CFAP77: variants seen among roughly 807,000 people sequenced by gnomAD.
CFAP77 encodes cilia- and flagella-associated protein 77.
A neutral mutation model predicts 31.1 loss-of-function variants in CFAP77; 25 were observed. The observed-to-expected ratio is 0.80, with a 90% confidence interval of 0.59 to 1.12. The LOEUF (loss-of-function observed/expected upper bound fraction) is 1.12. CFAP77 is among the 50% of genes most tolerant of loss of function. The pLI is 0.00. For missense variants in CFAP77, 377 were observed against 397.3 expected (o/e 0.95, Z 0.44); for synonymous variants, 151 against 159.9 (o/e 0.94, Z 0.42).
In CFAP77 at chr9:132,543,826, C is replaced by A. The variant is rs1309405102; in HGVS notation, c.732+779C>A. ...GCCTTGTAGCCCTGTAGCACCCAGA[C>A]AGGGATTCATCTTCAACAGCTTTTG... On this transcript the variant is annotated intron_variant, in intron 5 of 5. Coordinates refer to ENST00000393216, the MANE Select transcript of CFAP77 (RefSeq NM_001282957.2). 2.0e-5 allele frequency among the ~76,000 whole-genome samples: 3 copies of A among 152,164 alleles called. No homozygotes were observed. In the East Asian group the frequency reaches 5.8e-4, roughly 29 times the overall value.
rs188494492 is a variant in CFAP77 at position 132,451,262 on chromosome 9, T to C, written c.195+40796T>C. ...CTGAGGCAGGAGAATTGCTTGAACC[T>C]GGGAGGCGGAGGTTGCAGTGAGCTG... On this transcript the variant is annotated intron_variant, in intron 1 of 5. Transcript: ENST00000393216. 2.9e-3 allele frequency among the ~76,000 whole-genome samples: 434 copies of C among 150,360 alleles called. 2 individuals carry two copies. Among genetic ancestry groups the C allele is most frequent in the African/African-American group, 9.5e-3 (387 of 40,864 alleles).
At chr9:132,448,943 A>G (rs1850773578) in intron 1 of CFAP77, among the ~76,000 whole-genome samples, 1 of 152,032 alleles carries the variant, frequency 6.6e-6, no homozygotes, top group Non-Finnish European at 1.5e-5. Flanking sequence ...GAGACCAAGG[A>G]CCGTGCCTCT....
Position 132,480,717 on chromosome 9 carries a change from T to G in CFAP77, c.196-17978T>G, listed in dbSNP as rs1194859018. On this transcript the variant is annotated intron_variant, in intron 1 of 5. Transcript: ENST00000393216. This position sits in a 1 kb window ranked among gnomAD's most constrained non-coding sequence, Gnocchi z 5.8. Reference sequence around the variant, plus strand: ...ACAGAGTCCGGGGGCTTCTCCAAGGTGGTGACATTTCAGCTAGGAGTTAGC... The same window carrying G: ...ACAGAGTCCGGGGGCTTCTCCAAGGGGGTGACATTTCAGCTAGGAGTTAGC... 1.3e-5 allele frequency among the ~76,000 whole-genome samples: 2 copies of G among 151,852 alleles called. No homozygotes were observed. Among genetic ancestry groups the G allele is most frequent in the African/African-American group, 4.8e-5 (2 of 41,324 alleles).
chr9:132,481,744 G>A lies in CFAP77; in HGVS notation c.196-16951G>A, dbSNP rs1035091508. On this transcript the variant is annotated intron_variant, in intron 1 of 5. Coordinates refer to ENST00000393216, the MANE Select transcript of CFAP77 (RefSeq NM_001282957.2). This position sits in a 1 kb window ranked among gnomAD's most constrained non-coding sequence, Gnocchi z 5.0. The stretch of plus-strand genomic sequence containing the variant: ...GACCCCAGCCTTATTAACAGGCTTC[G>A]TTTTAGGGACGCCTCCTCCGCCTCA... 2.0e-5 allele frequency among the ~76,000 whole-genome samples: 3 copies of A among 152,198 alleles called. No individual in the cohort carries two copies. The highest frequency in any genetic ancestry group is 4.4e-5 in the Non-Finnish European group (3 of 68,038).
chr9:132,483,091 G>C (rs1851477358), intron 1 of CFAP77, among the ~76,000 whole-genome samples: 1 of 151,894 alleles, frequency 6.6e-6, no homozygotes, highest in African/African-American at 2.4e-5. Context: ...GACCAACATG[G>C]AGAAACACAC....
At chr9:132,456,229 G>T (rs1420536155) in intron 1 of CFAP77, among the ~76,000 whole-genome samples, 2 of 152,178 alleles carry the variant, frequency 1.3e-5, no homozygotes, top group East Asian at 3.8e-4. Context: ...GGCTGGGTGG[G>T]GAAGGCAGCT....
chr9:132,554,076 T>A lies in CFAP77; in HGVS notation c.732+11029T>A, dbSNP rs1045414200. ...GGTAGTATGACCCTTACTTTGCAGG[T>A]GAGAAACTGAGGCCCCTGGTCACAC... On this transcript the variant is annotated intron_variant, in intron 5 of 5. Transcript: ENST00000393216. This position sits in a 1 kb window ranked among gnomAD's most constrained non-coding sequence, Gnocchi z 4.1. Among the ~76,000 whole-genome samples the A allele has an allele frequency of 3.3e-5, 5 of 152,072 alleles. No individual in the cohort carries two copies. Among genetic ancestry groups the A allele is most frequent in the Non-Finnish European group, 4.4e-5 (3 of 68,022 alleles).
Position 132,498,704 on chromosome 9 carries a change from G to T in CFAP77, c.205G>T (p.Gly69Cys). ...QNPLIVKAEL[G>C]KPRERSYSLP... is the part of the protein sequence containing the mutation. Reference sequence around the variant, plus strand: ...GTCCTTCCCCCGACAGGCTGAACTCGGCAAGCCCCGGGAAAGAAGCTACAG... The same window carrying T: ...GTCCTTCCCCCGACAGGCTGAACTCTGCAAGCCCCGGGAAAGAAGCTACAG... Residue 69 changes from glycine (G) to cysteine (C), a missense_variant, in exon 2 of 6, where the codon GGC (glycine) becomes TGC (cysteine). Transcript: ENST00000393216. This position sits in a 1 kb window ranked among gnomAD's most constrained non-coding sequence, Gnocchi z 4.2. 3.7e-6 allele frequency: 6 copies of T among 1,611,080 alleles called. No individual in the cohort carries two copies. Among genetic ancestry groups the T allele is most frequent in the Non-Finnish European group, 5.1e-6 (6 of 1,178,438 alleles).
At chr9:132,477,610 A>T (rs1463736738) in intron 1 of CFAP77, among the ~76,000 whole-genome samples, 1 of 152,224 alleles carries the variant, frequency 6.6e-6, no homozygotes, top group Non-Finnish European at 1.5e-5. Flanking sequence ...CTCAGCACAC[A>T]TGAGCTGTCT....
Position 132,498,594 on chromosome 9 carries a change from G to T in CFAP77, c.196-101G>T, listed in dbSNP as rs957924507. On this transcript the variant is annotated intron_variant, in intron 1 of 5. Transcript: ENST00000393216. This position sits in a 1 kb window ranked among gnomAD's most constrained non-coding sequence, Gnocchi z 4.2. The stretch of plus-strand genomic sequence containing the variant: ...CACCCTGAAGGCCACGGCAGGGCCT[G>T]GGGGAAATGCAGGCATCTGGTGCCT... 5 of 884,624 alleles carry T rather than the reference G, an allele frequency of 5.7e-6. No homozygotes were observed. The highest frequency in any genetic ancestry group is 9.0e-6 in the Non-Finnish European group (5 of 557,064). 54.8% of individuals were successfully genotyped at this position (884,624 alleles called of 1,614,324 possible). A position where few individuals can be genotyped will look rare whatever the true frequency, so the allele number is the denominator to read the frequency against.
At position 132,529,483 on chromosome 9, in the gene CFAP77, T is replaced by G. The variant is rs991957426; in HGVS notation, c.525-8118T>G. 2.5e-5 allele frequency among the ~76,000 whole-genome samples: 3 copies of G among 118,564 alleles called. 1 individual carries two copies. The highest frequency in any genetic ancestry group is 5.5e-5 in the Non-Finnish European group (3 of 54,712). The allele number at this position is 118,564 out of a possible 152,430, so 77.8% of individuals were successfully genotyped here. Reference sequence around the variant, plus strand: ...GTAACTAAACTGCACAATGTGCACATGTACCCTAAAACTTAGAGTATAATA... The same window carrying G: ...GTAACTAAACTGCACAATGTGCACAGGTACCCTAAAACTTAGAGTATAATA... On this transcript the variant is annotated intron_variant, in intron 3 of 5. Coordinates refer to ENST00000393216, the MANE Select transcript of CFAP77 (RefSeq NM_001282957.2).
chr9:132,538,947 C>T (rs1852593437), intron 4 of CFAP77, among the ~76,000 whole-genome samples: 3 of 151,764 alleles, frequency 2.0e-5, no homozygotes, highest in Admixed American at 1.3e-4. Context: ...ATTAGCTGGG[C>T]GTGGTGGCAT....
At chr9:132,518,701 G>C (rs1852192520) in intron 3 of CFAP77, among the ~76,000 whole-genome samples, 1 of 152,206 alleles carries the variant, frequency 6.6e-6, no homozygotes, top group South Asian at 2.1e-4. Context: ...CCTGTTCCCT[G>C]TCTGGAGCTC....
intron 1 of CFAP77, among the ~76,000 whole-genome samples, chr9:132,477,309 C>T (rs532358015): frequency 4.6e-5 from 7 of 152,302 alleles, no homozygotes; most frequent in Admixed American, 1.3e-4. Context: ...ATTCATTCAG[C>T]AAAGATGCAT....
chr9:132,443,400 T>C (rs1850652585), intron 1 of CFAP77, among the ~76,000 whole-genome samples: 1 of 151,976 alleles, frequency 6.6e-6, no homozygotes, highest in Admixed American at 6.6e-5. Flanking sequence ...ATTACAGGCA[T>C]GTGCTACCAC....
chr9:132,535,979 C>T (rs1852535383), intron 3 of CFAP77, among the ~76,000 whole-genome samples: 2 of 152,116 alleles, frequency 1.3e-5, no homozygotes, highest in Non-Finnish European at 2.9e-5. Context: ...CCTCATTCTA[C>T]AGGTAGCTTC....
chr9:132,502,283 A>G (rs200832846), intron 3 of CFAP77, among the ~76,000 whole-genome samples: 16,098 of 95,072 alleles, frequency 0.17, 1,166 homozygotes, highest in African/African-American at 0.28. Context: ...TTTTTGGGGG[A>G]GGGGGGTGGT....
In CFAP77 at chr9:132,552,970, TTCTG is replaced by T. The variant is rs1251187262; in HGVS notation, c.732+9927_732+9930del. ...TTAAACAGCCCTAAGGCTTATGAAC[TTCTG>T]TCTTAGTCAGGCTGCTCTAACAAAA... On this transcript the variant is annotated intron_variant, in intron 5 of 5. Coordinates refer to ENST00000393216, the MANE Select transcript of CFAP77 (RefSeq NM_001282957.2). This position sits in a 1 kb window ranked among gnomAD's most constrained non-coding sequence, Gnocchi z 5.5. Among the ~76,000 whole-genome samples, 5 of 152,198 alleles carry T rather than the reference TTCTG, an allele frequency of 3.3e-5. No homozygotes were observed. The highest frequency in any genetic ancestry group is 1.2e-4 in the African/African-American group (5 of 41,452).
intron 1 of CFAP77, among the ~76,000 whole-genome samples, chr9:132,486,103 T>TTTTTTTTTTA (rs1851552889): frequency 1.0e-5 from 1 of 95,414 alleles, no homozygotes; most frequent in Non-Finnish European, 2.0e-5. Flanking sequence ...TTTTTTTTTT[T>TTTTTTTTTTA]TTTTTTTGAG....
Sources: allele counts gnomAD v4.1 joint callset (sites outside exome capture counted in the v4.1 genomes callset), GRCh38; gene constraint gnomAD v4.1.1; non-coding constraint Gnocchi (gnomAD v3.1); transcripts MANE v1.5; gene names NCBI Gene and HGNC (gene_info 2026-07-23, HGNC 2026-07-21).